TRABD: variants seen among roughly 807,000 people sequenced by gnomAD.
TRABD encodes traB domain-containing protein.
A neutral mutation model predicts 39.6 loss-of-function variants in TRABD; 23 were observed. The ratio of observed to expected loss-of-function variants is 0.58; its 90% CI spans 0.42 to 0.82. TRABD has a LOEUF of 0.82. TRABD is among the 40% of genes least tolerant of loss of function. The probability of loss-of-function intolerance (pLI) is 0.00; values close to 1 mark genes in which losing one functional copy is unlikely to be tolerated. For synonymous variants in TRABD, 243 were observed against 232.1 expected, an observed-to-expected ratio of 1.05 and a Z score of -0.43; for missense variants, 487 against 544.9, an observed-to-expected ratio of 0.89 and a Z score of 1.06.
intron 1 of TRABD, among the ~76,000 whole-genome samples, chr22:50,187,953 G>A (rs1304329886): frequency 2.7e-5 from 4 of 150,860 alleles, no homozygotes; most frequent in Non-Finnish European, 5.9e-5. Flanking sequence ...GCACTCCAGC[G>A]TGGGCAACAG....
Position 50,194,482 on chromosome 22 carries a change from C to T in TRABD, c.255C>T (p.Asp85=), listed in dbSNP as rs761702872. ...VYVVGTAHFS[D]DSKRDVVKTI... ...TGGTGGGGACAGCCCACTTCAGCGACGACAGCAAGAGGGACGTTGTGAAGG... is the reference window on the plus strand; with the variant it reads ...TGGTGGGGACAGCCCACTTCAGCGATGACAGCAAGAGGGACGTTGTGAAGG... Residue 85 remains aspartate, a synonymous_variant, in exon 4 of 10, where the codon GAC becomes GAT. Transcript: ENST00000380909. 4.0e-5 allele frequency: 64 copies of T among 1,595,094 alleles called. No individual in the cohort carries two copies. In the Admixed American group the frequency reaches 7.9e-4, roughly 20 times the overall value.
chr22:50,189,181 G>T (rs1048292943), intron 1 of TRABD, among the ~76,000 whole-genome samples: 5 of 152,224 alleles, frequency 3.3e-5, no homozygotes, highest in Non-Finnish European at 7.3e-5. Context: ...GAGGCTGACC[G>T]CTAAAGCAGC....
At position 50,193,605 on chromosome 22, in the gene TRABD, G is replaced by A. The variant is rs769492339; in HGVS notation, c.63G>A (p.Glu21=). 12 of 1,613,726 alleles carry A rather than the reference G, an allele frequency of 7.4e-6. No individual in the cohort carries two copies. In the Admixed American group the frequency reaches 1.8e-4, roughly 25 times the overall value. ...ACGTGGAACCTGTTGTGCCGTCAGA[G>A]GCTTCAGAGCCGGTGCCCAGGGTGC... is the stretch of plus-strand genomic sequence containing the variant. ...EANVEPVVPS[E]ASEPVPRVLS... The change falls in exon 3 of 10, where the codon GAG becomes GAA. Residue 21 remains glutamate (E), a synonymous_variant. Coordinates refer to ENST00000380909, the MANE Select transcript of TRABD (RefSeq NM_001320485.2).
chr22:50,193,097 A>G lies in TRABD; in HGVS notation c.33+4A>G. 1 of 1,543,734 alleles carries G rather than the reference A, an allele frequency of 6.5e-7. No individual in the cohort carries two copies. The highest frequency in any genetic ancestry group is 8.7e-7 in the Non-Finnish European group (1 of 1,146,538). ...GGAGCAGCAGCCACCGCACGAGGTG[A>G]GGTGGAGGCTGGGCTGGCTGCACAG... On this transcript the variant is annotated splice_donor_region_variant and intron_variant, in intron 2 of 9. Transcript: ENST00000380909.
intron 7 of TRABD, 61 bp downstream of exon 7, chr22:50,197,649 C>T (rs763412130): frequency 9.4e-6 from 15 of 1,599,186 alleles, no homozygotes; most frequent in Non-Finnish European, 1.3e-5. Flanking sequence ...GCTCCAGGCC[C>T]TCCTGTGCAG....
At chr22:50,188,286 A>T (rs1054319349) in intron 1 of TRABD, among the ~76,000 whole-genome samples, 7 of 148,606 alleles carry the variant, frequency 4.7e-5, no homozygotes, top group East Asian at 2.0e-4. Context: ...CGTCTCAAAT[A>T]AAAAAAAAAT....
rs2064225974 is a variant in TRABD, at chr22:50,198,846, T to G, written c.*327T>G. 3.7e-6 allele frequency: 2 copies of G among 542,458 alleles called. No homozygotes were observed. The highest frequency in any genetic ancestry group is 6.9e-5 in the Admixed American group (2 of 29,144). The allele number at this position is 542,458 out of a possible 1,614,324, so 33.6% of individuals were successfully genotyped here. ...GCGTGCGCTGCCCTCTCAGCCCTGG[T>G]GGCAGGCGGGGGACAATGGCCACTG... On this transcript the variant is annotated 3_prime_UTR_variant, in exon 10 of 10. Transcript: ENST00000380909. This position sits in a 1 kb window ranked among gnomAD's most constrained non-coding sequence, Gnocchi z 7.9.
intron 1 of TRABD, among the ~76,000 whole-genome samples, chr22:50,189,593 C>G (rs951262872): frequency 3.3e-5 from 5 of 152,240 alleles, no homozygotes; most frequent in Non-Finnish European, 7.3e-5. Flanking sequence ...GGAGAGATGT[C>G]TGTCCCCCCG....
At position 50,193,112 on chromosome 22, in the gene TRABD, T is replaced by G; in HGVS notation, c.33+19T>G. On this transcript the variant is annotated intron_variant, in intron 2 of 9. Transcript: ENST00000380909. Reference sequence around the variant, plus strand: ...GCACGAGGTGAGGTGGAGGCTGGGCTGGCTGCACAGAGACAGGGGCGGGGG... The same window carrying G: ...GCACGAGGTGAGGTGGAGGCTGGGCGGGCTGCACAGAGACAGGGGCGGGGG... 1 of 1,539,576 alleles carries G rather than the reference T, an allele frequency of 6.5e-7. No homozygotes were observed. The highest frequency in any genetic ancestry group is 2.4e-5 in the East Asian group (1 of 40,918).
At chr22:50,191,209 G>C (rs1385794123) in intron 1 of TRABD, among the ~76,000 whole-genome samples, 28 of 152,250 alleles carry the variant, frequency 1.8e-4, no homozygotes, top group Non-Finnish European at 2.9e-5. Flanking sequence ...AGGGTGGGCT[G>C]CCCTCTTCTC....
intron 5 of TRABD, 118 bp downstream of exon 5, chr22:50,195,158 C>A: frequency 7.5e-7 from 1 of 1,332,114 alleles, no homozygotes; most frequent in Non-Finnish European, 1.0e-6. Flanking sequence ...GCCTGGCCTG[C>A]CCTGGGGATT....
intron 7 of TRABD, 37 bp downstream of exon 7, chr22:50,197,625 G>T (rs767479951): frequency 1.9e-6 from 3 of 1,607,820 alleles, no homozygotes; most frequent in Admixed American, 1.7e-5. Flanking sequence ...GGCCTGCAGG[G>T]TGGTCTGTGG....
At chr22:50,193,770 T>G in intron 3 of TRABD, 116 bp downstream of exon 3, 11 of 979,380 alleles carry the variant, frequency 1.1e-5, no homozygotes, top group Non-Finnish European at 1.4e-5. Flanking sequence ...GCAGGGGCCC[T>G]GGCCGAGACC....
At chr22:50,197,764 G>GGGCCCCCCCCCCCCCCCCCCGGC in intron 7 of TRABD, 59 bp from the exon 8 acceptor site, 1 of 1,284,794 alleles carries the variant, frequency 7.8e-7, no homozygotes, top group Non-Finnish European at 1.1e-6. Context: ...CACAGTGCCA[G>GGGCCCCCCCCCCCCCCCCCCGGC]CCCCACCCCC....
chr22:50,199,152 C>G lies in TRABD; in HGVS notation c.*633C>G, dbSNP rs1277480016. 7 of 719,944 alleles carry G rather than the reference C, an allele frequency of 9.7e-6. No homozygotes were observed. The highest frequency in any genetic ancestry group is 7.4e-5 in the South Asian group (5 of 67,946). The allele number at this position is 719,944 out of a possible 1,614,324, so 44.6% of individuals were successfully genotyped here. ...GAAGTAAATGTCAAAAAACACCAGC[C>G]TTAAATCCAAAGGGAGAGAATTCGT... On this transcript the variant is annotated 3_prime_UTR_variant, in exon 10 of 10. Transcript: ENST00000380909.
chr22:50,187,652 G>A (rs550959892), intron 1 of TRABD, among the ~76,000 whole-genome samples: 1 of 152,328 alleles, frequency 6.6e-6, no homozygotes, highest in South Asian at 2.1e-4. Context: ...TCTAGCTGCT[G>A]TAACAAAGCA....
Position 50,199,021 on chromosome 22 carries a change from C to A in TRABD, c.*502C>A. 2.9e-6 allele frequency: 2 copies of A among 678,008 alleles called. No homozygotes were observed. The highest frequency in any genetic ancestry group is 1.6e-5 in the South Asian group (1 of 63,292). The allele number at this position is 678,008 out of a possible 1,614,324, so 42.0% of individuals were successfully genotyped here. On this transcript the variant is annotated 3_prime_UTR_variant, in exon 10 of 10. Coordinates refer to ENST00000380909, the MANE Select transcript of TRABD (RefSeq NM_001320485.2). ...CGTGCCCCTGGCATCCTGGCCCTGG[C>A]CGCCACCTCCCTGGCACCGTCTGCC...
intron 1 of TRABD, among the ~76,000 whole-genome samples, chr22:50,188,508 T>C (rs937753699): frequency 3.3e-5 from 5 of 152,188 alleles, no homozygotes; most frequent in Admixed American, 3.3e-4. Context: ...CTGGTTGCCA[T>C]GCAGCCTCCT....
chr22:50,193,935 C>T (rs2064000897), intron 3 of TRABD, among the ~76,000 whole-genome samples: 1 of 152,288 alleles, frequency 6.6e-6, no homozygotes, highest in African/African-American at 2.4e-5. Flanking sequence ...GCACGGGAGT[C>T]CCTCCTTGCT....
Sources: allele counts gnomAD v4.1 joint callset (sites outside exome capture counted in the v4.1 genomes callset), GRCh38; gene constraint gnomAD v4.1.1; non-coding constraint Gnocchi (gnomAD v3.1); transcripts MANE v1.5; gene names NCBI Gene and HGNC (gene_info 2026-07-23, HGNC 2026-07-21).